The following KCNQ5 variants were observed in gnomAD, a reference collection of about 807,000 sequenced individuals.
KCNQ5 encodes the protein potassium voltage-gated channel subfamily KQT member 5.
KCNQ5 carries 30 observed loss-of-function variants against 98.2 expected under a neutral mutation model. The observed-to-expected ratio is 0.31, with a 90% CI of 0.23 to 0.41. The LOEUF (loss-of-function observed/expected upper bound fraction) is 0.41, where lower values mean the gene tolerates loss of function less well. Ranked by LOEUF, KCNQ5 falls within the 10% of genes least tolerant of loss-of-function variation. The pLI is 1.00. For synonymous variants in KCNQ5, 458 were observed against 449.4 expected (o/e 1.02, Z -0.24); for missense variants, 835 against 1,182.5 (o/e 0.71, Z 4.31).
intron 2 of KCNQ5, among the ~76,000 whole-genome samples, chr6:73,025,864 G>A (rs757515345): frequency 2.0e-4 from 30 of 152,292 alleles, no homozygotes; most frequent in Non-Finnish European, 2.8e-4. Context: ...CTGAGTAGCT[G>A]TGGGTTGGCA....
At position 73,142,721 on chromosome 6, in the gene KCNQ5, G is replaced by A. The variant is rs185174371; in HGVS notation, c.1468+9080G>A. ...ACCTGAGGTCAGGAGTTCGAGACCA[G>A]CCTGGTCAACATGGTGAAACCCTGT... On this transcript the variant is annotated intron_variant, in intron 10 of 13. Coordinates refer to ENST00000370398, the MANE Select transcript of KCNQ5 (RefSeq NM_019842.4). Among the ~76,000 whole-genome samples the A allele has an allele frequency of 4.8e-3, 737 of 152,208 alleles. 10 individuals carry two copies. The highest frequency in any genetic ancestry group is 0.017 in the African/African-American group (686 of 41,538).
chr6:72,850,089 A>C (rs1582407340), intron 1 of KCNQ5, among the ~76,000 whole-genome samples: 2 of 152,280 alleles, frequency 1.3e-5, no homozygotes, highest in East Asian at 3.9e-4. Context: ...GAAATTTTAT[A>C]ATATTAGGGT....
chr6:72,732,416 GAATT>G (rs1770604307), intron 1 of KCNQ5, among the ~76,000 whole-genome samples: 5 of 152,182 alleles, frequency 3.3e-5, no homozygotes, highest in Admixed American at 3.3e-4. Context: ...TGGGAGGATA[GAATT>G]AGTTAGCTAA....
At chr6:72,723,859 G>A (rs1464665027) in intron 1 of KCNQ5, among the ~76,000 whole-genome samples, 1 of 151,804 alleles carries the variant, frequency 6.6e-6, no homozygotes, top group African/African-American at 2.4e-5. Context: ...CTATTTTAGT[G>A]CAGATGAGAA....
intron 1 of KCNQ5, among the ~76,000 whole-genome samples, chr6:72,743,423 G>A (rs558780376): frequency 4.0e-5 from 6 of 151,728 alleles, no homozygotes; most frequent in South Asian, 4.2e-4. Context: ...AAGCAACTTC[G>A]TAATTTAAAT....
intron 1 of KCNQ5, among the ~76,000 whole-genome samples, chr6:72,984,736 C>G (rs1315618379): frequency 5.9e-5 from 9 of 152,178 alleles, no homozygotes; most frequent in Admixed American, 5.9e-4. Flanking sequence ...CAACTGGTCC[C>G]AGTGAGATGA....
At chr6:73,042,703 A>T (rs954780523) in intron 3 of KCNQ5, among the ~76,000 whole-genome samples, 1 of 152,266 alleles carries the variant, frequency 6.6e-6, no homozygotes, top group East Asian at 1.9e-4. Context: ...GCACCTCCCT[A>T]GCTGCCATTG....
intron 1 of KCNQ5, among the ~76,000 whole-genome samples, chr6:72,828,063 T>A (rs556677172): frequency 6.6e-6 from 1 of 152,190 alleles, no homozygotes; most frequent in South Asian, 2.1e-4. Flanking sequence ...ATTGTTGGGT[T>A]CTTTATTCTG....
chr6:72,632,358 G>A (rs2098921427), intron 1 of KCNQ5, among the ~76,000 whole-genome samples: 1 of 151,612 alleles, frequency 6.6e-6, no homozygotes. Flanking sequence ...AGCCAGGATG[G>A]TCTCCATCTC....
intron 1 of KCNQ5, among the ~76,000 whole-genome samples, chr6:72,689,876 T>G (rs1002054593): frequency 2.0e-5 from 3 of 152,246 alleles, no homozygotes; most frequent in Admixed American, 2.0e-4. Flanking sequence ...GGTAACTGAT[T>G]TTTCTTCTGT....
At chr6:73,046,498 C>T (rs1227818029) in intron 3 of KCNQ5, among the ~76,000 whole-genome samples, 2 of 151,900 alleles carry the variant, frequency 1.3e-5, no homozygotes, top group Non-Finnish European at 2.9e-5. Flanking sequence ...TTGAGAACTA[C>T]TATATATTAG....
chr6:72,665,123 G>T (rs1230052743), intron 1 of KCNQ5, among the ~76,000 whole-genome samples: 1 of 152,104 alleles, frequency 6.6e-6, no homozygotes, highest in Non-Finnish European at 1.5e-5. Context: ...CACGGTAGGT[G>T]TATCACTTGA....
At chr6:72,931,327 A>C (rs1765686466) in intron 1 of KCNQ5, among the ~76,000 whole-genome samples, 1 of 152,200 alleles carries the variant, frequency 6.6e-6, no homozygotes, top group Non-Finnish European at 1.5e-5. Flanking sequence ...AGAATACCTC[A>C]TATGAAAACT....
intron 1 of KCNQ5, among the ~76,000 whole-genome samples, chr6:72,948,173 T>C (rs1381370259): frequency 1.3e-5 from 2 of 152,116 alleles, no homozygotes; most frequent in African/African-American, 4.8e-5. Context: ...GAACTTTGAT[T>C]AACAATAGCA....
chr6:72,655,022 G>GTCTT (rs1254231605), intron 1 of KCNQ5, among the ~76,000 whole-genome samples: 2,582 of 118,270 alleles, frequency 0.022, 67 homozygotes, highest in East Asian at 0.048. Flanking sequence ...GCCAAGGTCT[G>GTCTT]TCTGTCTTTC....
chr6:72,765,582 T>G (rs1238495092), intron 1 of KCNQ5, among the ~76,000 whole-genome samples: 1 of 151,900 alleles, frequency 6.6e-6, no homozygotes, highest in Non-Finnish European at 1.5e-5. Flanking sequence ...AAGACAGAAA[T>G]GATGTAGAGG....
chr6:73,141,567 A>C (rs1419893989), intron 10 of KCNQ5, among the ~76,000 whole-genome samples: 1 of 152,220 alleles, frequency 6.6e-6, no homozygotes, highest in African/African-American at 2.4e-5. Flanking sequence ...TACAGTGATA[A>C]GGAAAATTAT....
At chr6:72,824,260 C>T (rs753042079) in intron 1 of KCNQ5, among the ~76,000 whole-genome samples, 1 of 151,954 alleles carries the variant, frequency 6.6e-6, no homozygotes, top group Non-Finnish European at 1.5e-5. Context: ...TTCAGTTTTA[C>T]CAGTTCTTGA....
At chr6:72,858,813 C>A (rs1472328759) in intron 1 of KCNQ5, among the ~76,000 whole-genome samples, 1 of 152,006 alleles carries the variant, frequency 6.6e-6, no homozygotes, top group Non-Finnish European at 1.5e-5. Flanking sequence ...TAAAATTATG[C>A]ACACACATTC....
Sources: allele counts gnomAD v4.1 joint callset (sites outside exome capture counted in the v4.1 genomes callset), GRCh38; gene constraint gnomAD v4.1.1; transcripts MANE v1.5; gene names NCBI Gene and HGNC (gene_info 2026-07-23, HGNC 2026-07-21).